MANBA: variants seen among roughly 807,000 people sequenced by gnomAD.
MANBA encodes mannosidase beta, also known as beta-mannosidase.
A neutral mutation model predicts 111.1 loss-of-function variants in MANBA; 83 were observed. The ratio of observed to expected loss-of-function variants is 0.75; its 90% confidence interval spans 0.63 to 0.90. The LOEUF (loss-of-function observed/expected upper bound fraction) is 0.90. Ranked by LOEUF, MANBA falls within the 40% of genes least tolerant of loss-of-function variation. The pLI is 0.00. For missense variants in MANBA, 1,036 were observed against 1,069.0 expected (o/e 0.97, Z 0.43); for synonymous variants, 370 against 378.7 (o/e 0.98, Z 0.27).
At chr4:102,684,999 A>G (rs1732148157) in intron 7 of MANBA, among the ~76,000 whole-genome samples, 1 of 152,202 alleles carries the variant, frequency 6.6e-6, no homozygotes, top group Admixed American at 6.5e-5. Flanking sequence ...TGTCAAAAAC[A>G]TAATGCTGAG....
intron 13 of MANBA, 81 bp downstream of exon 13, chr4:102,650,456 C>T: frequency 7.2e-7 from 1 of 1,380,594 alleles, no homozygotes; most frequent in Non-Finnish European, 1.0e-6. Flanking sequence ...ATATTTTTCA[C>T]CATATATGGC....
intron 1 of MANBA, chr4:102,752,586 A>G: frequency 3.1e-6 from 2 of 642,122 alleles, no homozygotes; most frequent in Non-Finnish European, 6.0e-6. Flanking sequence ...GGACAAGCAG[A>G]CAATAAATTG....
chr4:102,716,252 T>C (rs1722324994), intron 4 of MANBA, among the ~76,000 whole-genome samples: 2 of 131,818 alleles, frequency 1.5e-5, no homozygotes, highest in East Asian at 4.3e-4. Flanking sequence ...GAGGTTATAG[T>C]GAGTTGAGAT....
intron 5 of MANBA, among the ~76,000 whole-genome samples, chr4:102,692,631 G>A (rs1048104408): frequency 6.6e-6 from 1 of 152,062 alleles, no homozygotes; most frequent in Non-Finnish European, 1.5e-5. Flanking sequence ...GTTAGAGTCA[G>A]CAAAAAAAGT....
intron 1 of MANBA, among the ~76,000 whole-genome samples, chr4:102,755,019 T>C (rs776744241): frequency 9.2e-5 from 14 of 152,088 alleles, no homozygotes; most frequent in Non-Finnish European, 7.4e-5. Context: ...TAGGAAGAAT[T>C]AATATCATGA....
chr4:102,631,818 A>G lies in MANBA; in HGVS notation c.*239T>C. ...CTGAGAGGTGAAGGGCTAAAAACAC[A>G]GTCCTGGCACAGATTCCAGGACACC... On this transcript the variant is annotated 3_prime_UTR_variant, in exon 17 of 17. Coordinates refer to ENST00000647097, the MANE Select transcript of MANBA (RefSeq NM_005908.4). The G allele has an allele frequency of 1.7e-6, 1 of 604,674 alleles. No individual in the cohort carries two copies. Among genetic ancestry groups the G allele is most frequent in the East Asian group, 2.7e-5 (1 of 36,494 alleles). 37.5% of individuals were successfully genotyped at this position (604,674 alleles called of 1,614,324 possible).
At chr4:102,713,055 TA>T (rs1394847880) in intron 5 of MANBA, among the ~76,000 whole-genome samples, 1 of 152,220 alleles carries the variant, frequency 6.6e-6, no homozygotes, top group African/African-American at 2.4e-5. Flanking sequence ...TTTTAAAGTT[TA>T]AAAATACCAA....
chr4:102,737,616 G>A (rs896540553), intron 1 of MANBA, among the ~76,000 whole-genome samples: 1 of 152,076 alleles, frequency 6.6e-6, no homozygotes, highest in Non-Finnish European at 1.5e-5. Flanking sequence ...CTGAGTAGCT[G>A]GGACCACAGG....
chr4:102,640,474 A>G (rs906595088), intron 13 of MANBA, among the ~76,000 whole-genome samples: 39 of 152,346 alleles, frequency 2.6e-4, no homozygotes, highest in African/African-American at 8.4e-4. Flanking sequence ...TTCTTGTTTA[A>G]GAGACACTAA....
intron 5 of MANBA, among the ~76,000 whole-genome samples, chr4:102,706,232 A>T (rs1733290452): frequency 1.3e-5 from 2 of 152,186 alleles, no homozygotes; most frequent in East Asian, 3.8e-4. Context: ...TGCTGCTGCC[A>T]CCAGTGAAGT....
At chr4:102,752,253 CA>C in intron 1 of MANBA, 1 of 1,149,702 alleles carries the variant, frequency 8.7e-7, no homozygotes, top group Non-Finnish European at 1.3e-6. Flanking sequence ...AGTCTGAAGG[CA>C]AGCTTTGACA....
intron 13 of MANBA, among the ~76,000 whole-genome samples, chr4:102,646,589 C>T (rs1411033616): frequency 6.6e-6 from 1 of 152,112 alleles, no homozygotes; most frequent in Non-Finnish European, 1.5e-5. Flanking sequence ...AATTAATGTC[C>T]TTGGCCTGGC....
rs2272695 is a variant in MANBA, at chr4:102,634,646, G to T, written c.2415+142C>A. ...ATTTGGTGTTTGCTTTTAGTGGGAA[G>T]AGGCCAATCTTCCCCCAGGCCTCAG... On this transcript the variant is annotated intron_variant, in intron 16 of 16. Coordinates refer to ENST00000647097, the MANE Select transcript of MANBA (RefSeq NM_005908.4). The T allele has an allele frequency of 9.0e-6, 10 of 1,114,220 alleles. No individual in the cohort carries two copies. The African/African-American group carries it at 1.2e-4, about 14-fold the overall frequency. The allele number at this position is 1,114,220 out of a possible 1,614,324, so 69.0% of individuals were successfully genotyped here. A position where few individuals can be genotyped will look rare whatever the true frequency, so the allele number is the denominator to read the frequency against.
intron 11 of MANBA, among the ~76,000 whole-genome samples, chr4:102,661,625 C>T (rs1376059232): frequency 1.3e-5 from 2 of 152,202 alleles, no homozygotes; most frequent in Non-Finnish European, 2.9e-5. Flanking sequence ...CCTTGAGATT[C>T]TTGAGAAATT....
At chr4:102,674,541 CTT>C (rs1055999972) in intron 7 of MANBA, among the ~76,000 whole-genome samples, 1 of 152,214 alleles carries the variant, frequency 6.6e-6, no homozygotes, top group African/African-American at 2.4e-5. Flanking sequence ...CATAAAATCA[CTT>C]TGTTTAATGG....
In MANBA at chr4:102,729,935, C is replaced by G. The variant is rs527886466; in HGVS notation, c.178-3252G>C. 3.0e-6 allele frequency: 4 copies of G among 1,346,630 alleles called. No homozygotes were observed. The Admixed American group carries it at 6.7e-5, about 23-fold the overall frequency. 83.4% of individuals were successfully genotyped at this position (1,346,630 alleles called of 1,614,324 possible). On this transcript the variant is annotated intron_variant, in intron 1 of 16. Transcript: ENST00000647097. ...GCACAGCCTGGATGTTGGGGTCCAC[C>G]TCCAGGTTAAGGGGGCTCAGCAGGC...
chr4:102,714,551 G>A lies in MANBA; in HGVS notation c.560C>T (p.Ser187Phe). 1.2e-6 allele frequency: 2 copies of A among 1,608,464 alleles called. No individual in the cohort carries two copies. Among genetic ancestry groups the A allele is most frequent in the Non-Finnish European group, 1.7e-6 (2 of 1,174,958 alleles). Reference sequence around the variant, plus strand: ...GGAAGGCCCCCAGTCCCAACTAAAGGAACATTGCTCCTGCAATTTCAAGGA... The same window carrying A: ...GGAAGGCCCCCAGTCCCAACTAAAGAAACATTGCTCCTGCAATTTCAAGGA... ...HVNFVRKEQCSFSWDWGPSFP... is the reference protein window; with the variant it reads ...HVNFVRKEQCFFSWDWGPSFP... The change falls in exon 5 of 17, where the codon TCC becomes TTC. Residue 187 changes from serine to phenylalanine, a missense_variant. By Grantham distance (155) the Ser-to-Phe change is radical. Coordinates refer to ENST00000647097, the MANE Select transcript of MANBA (RefSeq NM_005908.4).
intron 1 of MANBA, chr4:102,729,152 T>C: frequency 1.4e-6 from 1 of 726,692 alleles, no homozygotes; most frequent in Non-Finnish European, 2.6e-6. Flanking sequence ...CAGCCCCCTG[T>C]GCTGCAGACA....
At position 102,760,942 on chromosome 4, in the gene MANBA, T is replaced by C. The variant is rs536432914; in HGVS notation, c.-48A>G. 2.1e-5 allele frequency: 32 copies of C among 1,520,058 alleles called. No homozygotes were observed. In the African/African-American group the frequency reaches 4.3e-4, roughly 20 times the overall value. The allele number at this position is 1,520,058 out of a possible 1,614,324, so 94.2% of individuals were successfully genotyped here. A position where few individuals can be genotyped will look rare whatever the true frequency, so the allele number is the denominator to read the frequency against. On this transcript the variant is annotated 5_prime_UTR_variant, in exon 1 of 17. Transcript: ENST00000647097. ...ATGTGGAGAGATCGAAAGGCAGCGC[T>C]GCAAGGGACCGGCGGTGAAGCCACT...
Sources: gnomAD v4.1 joint callset for allele counts (sites outside exome capture counted in the v4.1 genomes callset) on GRCh38, gnomAD v4.1.1 for gene constraint, MANE v1.5 for transcripts, NCBI Gene and HGNC (gene_info 2026-07-23, HGNC 2026-07-21) for gene names.